DIAPH3: variants seen among roughly 807,000 people sequenced by gnomAD.
DIAPH3 encodes the protein protein diaphanous homolog 3.
Under a neutral mutation model 144.3 loss-of-function variants are expected in DIAPH3, and 117 were observed. That is an observed-to-expected ratio of 0.81 (90% CI 0.70 to 0.95). DIAPH3 has a LOEUF of 0.95. Ranked by LOEUF, DIAPH3 falls within the 40% of genes least tolerant of loss-of-function variation. The pLI, the probability that DIAPH3 is intolerant of heterozygous loss-of-function variation, is 0.00. For synonymous variants in DIAPH3, 519 were observed against 488.9 expected (o/e 1.06, Z -0.81); for missense variants, 1,421 against 1,412.7 (o/e 1.01, Z -0.09).
At chr13:60,040,311 G>C (rs188339692) in intron 5 of DIAPH3, among the ~76,000 whole-genome samples, 55 of 143,030 alleles carry the variant, frequency 3.8e-4, no homozygotes, top group African/African-American at 1.4e-3. Flanking sequence ...ATTCTCCAAT[G>C]ATATTTTCTA....
chr13:59,938,407 A>G (rs2048360043), intron 17 of DIAPH3, among the ~76,000 whole-genome samples: 1 of 152,042 alleles, frequency 6.6e-6, no homozygotes. Context: ...CCAGGATTTC[A>G]AGACCAGCCT....
intron 9 of DIAPH3, among the ~76,000 whole-genome samples, chr13:59,999,279 T>C (rs888883733): frequency 3.9e-5 from 6 of 152,204 alleles, no homozygotes; most frequent in African/African-American, 4.8e-5. Flanking sequence ...TTTTTGATAC[T>C]TTAATGAAAC....
At chr13:59,746,311 C>T (rs1228958168) in intron 27 of DIAPH3, among the ~76,000 whole-genome samples, 1 of 152,076 alleles carries the variant, frequency 6.6e-6, no homozygotes, top group Non-Finnish European at 1.5e-5. Flanking sequence ...GCAACCTCTG[C>T]CTCCCAGGTT....
intron 2 of DIAPH3, among the ~76,000 whole-genome samples, chr13:60,117,565 T>C (rs895388941): frequency 6.6e-6 from 1 of 152,110 alleles, no homozygotes; most frequent in East Asian, 1.9e-4. Context: ...ATCTGGGCAC[T>C]ATAACAAAGC....
chr13:59,955,305 C>T (rs1841822557), intron 17 of DIAPH3, among the ~76,000 whole-genome samples: 1 of 151,858 alleles, frequency 6.6e-6, no homozygotes, highest in Admixed American at 6.6e-5. Context: ...GCGGGTTTCT[C>T]CTGTGCTGTT....
At chr13:60,129,969 C>T (rs573835701) in intron 2 of DIAPH3, among the ~76,000 whole-genome samples, 7 of 152,250 alleles carry the variant, frequency 4.6e-5, no homozygotes, top group South Asian at 4.1e-4. Flanking sequence ...GGGGTAAAAA[C>T]GGACAGAACT....
intron 14 of DIAPH3, among the ~76,000 whole-genome samples, chr13:59,980,150 T>G (rs1485145507): frequency 1.3e-5 from 2 of 151,622 alleles, no homozygotes; most frequent in African/African-American, 2.4e-5. Context: ...ATTGGCTGGA[T>G]GGTTAGAAAT....
At chr13:59,773,180 G>C (rs1293205760) in intron 27 of DIAPH3, among the ~76,000 whole-genome samples, 1 of 152,098 alleles carries the variant, frequency 6.6e-6, no homozygotes, top group Non-Finnish European at 1.5e-5. Flanking sequence ...ACCTATTTAA[G>C]AGACTGCAGT....
intron 9 of DIAPH3, among the ~76,000 whole-genome samples, chr13:59,998,759 T>C (rs912832301): frequency 4.6e-5 from 7 of 152,126 alleles, no homozygotes; most frequent in Admixed American, 2.0e-4. Context: ...TTTTAATTGA[T>C]TGGTACTTAT....
intron 13 of DIAPH3, among the ~76,000 whole-genome samples, chr13:59,981,240 T>TA (rs917780453): frequency 2.0e-5 from 3 of 151,242 alleles, no homozygotes; most frequent in African/African-American, 4.8e-5. Context: ...AAATTGATAC[T>TA]AAAAAATCAC....
chr13:59,830,092 A>G (rs940217886), intron 24 of DIAPH3, among the ~76,000 whole-genome samples: 2 of 151,928 alleles, frequency 1.3e-5, no homozygotes, highest in African/African-American at 4.8e-5. Context: ...CTTTAGCTAC[A>G]TATCTAAGAT....
intron 27 of DIAPH3, among the ~76,000 whole-genome samples, chr13:59,688,453 G>A (rs976239795): frequency 4.6e-5 from 7 of 151,984 alleles, no homozygotes; most frequent in Middle Eastern, 3.2e-3. Context: ...TCACAAGTAA[G>A]TCCAAACATA....
At chr13:60,125,409 T>C (rs2058964020) in intron 2 of DIAPH3, among the ~76,000 whole-genome samples, 1 of 145,856 alleles carries the variant, frequency 6.9e-6, no homozygotes, top group Non-Finnish European at 1.5e-5. Flanking sequence ...TTTTTTTTTT[T>C]TTTTTTTTTT....
chr13:59,870,237 T>C (rs955248817), intron 21 of DIAPH3, among the ~76,000 whole-genome samples: 1 of 152,124 alleles, frequency 6.6e-6, no homozygotes, highest in African/African-American at 2.4e-5. Flanking sequence ...CACTATTGAA[T>C]TACCTTTGTT....
At chr13:60,063,890 T>C (rs1042624756) in intron 4 of DIAPH3, among the ~76,000 whole-genome samples, 1 of 151,742 alleles carries the variant, frequency 6.6e-6, no homozygotes, top group Non-Finnish European at 1.5e-5. Flanking sequence ...GATCGCACCA[T>C]TGCACTCCAG....
intron 3 of DIAPH3, among the ~76,000 whole-genome samples, chr13:60,105,035 G>A (rs1218183221): frequency 1.5e-5 from 2 of 135,948 alleles, no homozygotes; most frequent in Non-Finnish European, 3.1e-5. Context: ...GGCAGAGCTT[G>A]CAGTGAGCTG....
chr13:59,927,920 A>T (rs1393522602), intron 17 of DIAPH3, among the ~76,000 whole-genome samples: 1 of 152,124 alleles, frequency 6.6e-6, no homozygotes, highest in African/African-American at 2.4e-5. Context: ...CTGGATGTCT[A>T]TTTCTTTCCC....
chr13:59,817,689 T>C (rs2040850800), intron 24 of DIAPH3, among the ~76,000 whole-genome samples: 1 of 152,000 alleles, frequency 6.6e-6, no homozygotes, highest in African/African-American at 2.4e-5. Context: ...TAGTTATGCC[T>C]TTATTTTTCC....
intron 9 of DIAPH3, among the ~76,000 whole-genome samples, chr13:59,995,293 A>G (rs2052122327): frequency 6.6e-6 from 1 of 151,878 alleles, no homozygotes; most frequent in Admixed American, 6.6e-5. Context: ...TAAGGAAGTA[A>G]TCTCTGTGCT....
Sources: gnomAD v4.1 joint callset for allele counts (sites outside exome capture counted in the v4.1 genomes callset) on GRCh38, gnomAD v4.1.1 for gene constraint, MANE v1.5 for transcripts, NCBI Gene and HGNC (gene_info 2026-07-23, HGNC 2026-07-21) for gene names.